CIMIP7: variants seen among roughly 807,000 people sequenced by gnomAD.
CIMIP7 encodes uncharacterized protein C3orf84.
the CIMIP7 span, chr3:49,190,166 A>C: frequency 1.3e-6 from 2 of 1,518,560 alleles, no homozygotes; most frequent in Admixed American, 3.6e-5. Flanking sequence ...TGAGGATAAA[A>C]CTCACTCAAA....
the CIMIP7 span, among the ~76,000 whole-genome samples, chr3:49,178,690 GACTAATTAAAGCA>G: frequency 2.9e-3 from 444 of 152,276 alleles, 7 homozygotes; most frequent in Middle Eastern, 0.037. Context: ...AGAGGGCAGA[GACTAATTAAAGCA>G]ACACTTCAGT....
the CIMIP7 span, among the ~76,000 whole-genome samples, chr3:49,189,489 C>T: frequency 5.9e-5 from 9 of 152,172 alleles, no homozygotes; most frequent in Non-Finnish European, 1.0e-4. Flanking sequence ...GGCCCTGTAT[C>T]CCTTTCCCAT....
the CIMIP7 span, among the ~76,000 whole-genome samples, chr3:49,191,293 C>T: frequency 1.3e-5 from 2 of 152,230 alleles, no homozygotes; most frequent in African/African-American, 4.8e-5. Flanking sequence ...GTCTATCCTT[C>T]TCTGTCAGGA....
At chr3:49,183,546 G>A in the CIMIP7 span, among the ~76,000 whole-genome samples, 1 of 152,150 alleles carries the variant, frequency 6.6e-6, no homozygotes, top group Non-Finnish European at 1.5e-5. Context: ...GCTGGGCATG[G>A]TGGCACACAC....
At chr3:49,181,401 A>AG in the CIMIP7 span, among the ~76,000 whole-genome samples, 6 of 151,418 alleles carry the variant, frequency 4.0e-5, no homozygotes, top group African/African-American at 1.5e-4. Context: ...CCGTAATCCC[A>AG]GGACTTTGAG....
At chr3:49,185,264 G>GA in the CIMIP7 span, among the ~76,000 whole-genome samples, 32 of 140,098 alleles carry the variant, frequency 2.3e-4, no homozygotes, top group East Asian at 1.1e-3. Flanking sequence ...CTGTCTTAAA[G>GA]AAAAAAAAAA....
the CIMIP7 span, among the ~76,000 whole-genome samples, chr3:49,184,832 G>A: frequency 6.6e-6 from 1 of 150,680 alleles, no homozygotes; most frequent in African/African-American, 2.4e-5. Flanking sequence ...GTTTCACTAT[G>A]TTGGCCAGGC....
chr3:49,185,955 G>A, the CIMIP7 span, among the ~76,000 whole-genome samples: 32 of 151,302 alleles, frequency 2.1e-4, no homozygotes, highest in African/African-American at 7.0e-4. Context: ...AAAGTGCAGG[G>A]ATTATGGGCG....
At chr3:49,178,199 T>G in the CIMIP7 span, 1 of 771,342 alleles carries the variant, frequency 1.3e-6, no homozygotes. Context: ...GCCTCCCCAG[T>G]GATGTCTTTC....
chr3:49,183,559 G>C, the CIMIP7 span, among the ~76,000 whole-genome samples: 1 of 152,206 alleles, frequency 6.6e-6, no homozygotes, highest in Non-Finnish European at 1.5e-5. Context: ...GCACACACCT[G>C]TAATGAGATT....
chr3:49,182,644 C>T, the CIMIP7 span, among the ~76,000 whole-genome samples: 2 of 152,252 alleles, frequency 1.3e-5, no homozygotes, highest in African/African-American at 2.4e-5. Flanking sequence ...AGCTGCCTGC[C>T]AGTCCCGCGC....
the CIMIP7 span, among the ~76,000 whole-genome samples, chr3:49,178,785 A>G: frequency 3.9e-5 from 6 of 152,182 alleles, no homozygotes; most frequent in East Asian, 1.9e-4. Flanking sequence ...AGGGTCCTCA[A>G]TAAGGAGGCA....
the CIMIP7 span, among the ~76,000 whole-genome samples, chr3:49,182,103 T>C: frequency 6.6e-6 from 1 of 152,164 alleles, no homozygotes; most frequent in African/African-American, 2.4e-5. Flanking sequence ...GTGGTGAGTG[T>C]TACAACTCAT....
At chr3:49,178,704 A>G in the CIMIP7 span, among the ~76,000 whole-genome samples, 906 of 151,362 alleles carry the variant, frequency 6.0e-3, 10 homozygotes, top group African/African-American at 0.021. Flanking sequence ...AATTAAAGCA[A>G]CACTTCAGTC....
At chr3:49,178,643 G>T in the CIMIP7 span, 2 of 900,972 alleles carry the variant, frequency 2.2e-6, no homozygotes, top group Non-Finnish European at 3.6e-6. Context: ...AAGTCACCAG[G>T]AGCCACTGCC....
the CIMIP7 span, among the ~76,000 whole-genome samples, chr3:49,183,313 G>C: frequency 1.3e-5 from 2 of 152,234 alleles, no homozygotes; most frequent in South Asian, 2.1e-4. Context: ...AGAGAAACCA[G>C]ATCATTCATG....
chr3:49,179,560 G>A, the CIMIP7 span, among the ~76,000 whole-genome samples: 1 of 152,108 alleles, frequency 6.6e-6, no homozygotes, highest in African/African-American at 2.4e-5. Context: ...CTCCCACTTA[G>A]GGCTTTGCAC....
chr3:49,185,735 G>A, the CIMIP7 span, among the ~76,000 whole-genome samples: 1 of 151,064 alleles, frequency 6.6e-6, no homozygotes, highest in East Asian at 2.0e-4. Flanking sequence ...CTGTTGCCTG[G>A]GCTGGAGTAC....
the CIMIP7 span, chr3:49,177,839 T>C: frequency 1.2e-6 from 2 of 1,613,158 alleles, no homozygotes; most frequent in Non-Finnish European, 1.7e-6. Flanking sequence ...GTGGTCCTGG[T>C]ATGGGAAGGC....
Sources: allele counts gnomAD v4.1 joint callset (sites outside exome capture counted in the v4.1 genomes callset), GRCh38; gene constraint gnomAD v4.1.1; transcripts MANE v1.5; gene names NCBI Gene and HGNC (gene_info 2026-07-23, HGNC 2026-07-21).